CCSER1: variants seen among roughly 807,000 people sequenced by gnomAD.
CCSER1 encodes serine-rich coiled-coil domain-containing protein 1.
A neutral mutation model predicts 82.0 loss-of-function variants in CCSER1; 41 were observed. The ratio of observed to expected loss-of-function variants is 0.50; its 90% CI spans 0.39 to 0.65. The LOEUF (loss-of-function observed/expected upper bound fraction) is 0.65, where lower values mean the gene tolerates loss of function less well. Ranked by LOEUF, CCSER1 falls within the 30% of genes least tolerant of loss-of-function variation. The probability of loss-of-function intolerance (pLI) is 0.00; values close to 1 mark genes in which losing one functional copy is unlikely to be tolerated. For missense variants in CCSER1, 1,119 were observed against 1,064.2 expected (o/e 1.05, Z -0.72); for synonymous variants, 414 against 383.9 (o/e 1.08, Z -0.92).
At chr4:91,194,194 T>C (rs1034742998) in intron 10 of CCSER1, among the ~76,000 whole-genome samples, 1 of 152,144 alleles carries the variant, frequency 6.6e-6, no homozygotes, top group Non-Finnish European at 1.5e-5. Flanking sequence ...TGTCTCGAAC[T>C]CCCGACCTCA....
At chr4:90,369,785 C>T (rs749398120) in intron 3 of CCSER1, among the ~76,000 whole-genome samples, 1 of 151,950 alleles carries the variant, frequency 6.6e-6, no homozygotes, top group Non-Finnish European at 1.5e-5. Context: ...ATATTACACT[C>T]TAAGAAATAT....
chr4:90,411,677 C>CCCTTTG (rs1278197182), intron 4 of CCSER1, among the ~76,000 whole-genome samples: 9 of 152,156 alleles, frequency 5.9e-5, no homozygotes, highest in African/African-American at 2.2e-4. Context: ...ACTGAATGGA[C>CCCTTTG]AAAAACTGGA....
intron 10 of CCSER1, among the ~76,000 whole-genome samples, chr4:91,522,663 G>A (rs575396871): frequency 6.6e-6 from 1 of 152,188 alleles, no homozygotes; most frequent in African/African-American, 2.4e-5. Context: ...CTCATGATTT[G>A]GCTCTCTGTT....
chr4:90,511,355 T>C (rs551770718), intron 5 of CCSER1, among the ~76,000 whole-genome samples: 1 of 152,092 alleles, frequency 6.6e-6, no homozygotes, highest in African/African-American at 2.4e-5. Context: ...GAGGTGGAGG[T>C]TGCGGTGAGC....
intron 10 of CCSER1, among the ~76,000 whole-genome samples, chr4:91,468,745 C>G (rs1410941381): frequency 6.6e-6 from 1 of 151,790 alleles, no homozygotes; most frequent in Non-Finnish European, 1.5e-5. Context: ...GATCCTATAA[C>G]TGAAAAAGAA....
intron 10 of CCSER1, among the ~76,000 whole-genome samples, chr4:91,212,079 AC>A (rs1736862984): frequency 6.6e-6 from 1 of 152,056 alleles, no homozygotes; most frequent in Non-Finnish European, 1.5e-5. Flanking sequence ...TGGTCTGGGA[AC>A]ATTGCCTTAA....
At chr4:90,728,812 T>C (rs535334821) in intron 7 of CCSER1, among the ~76,000 whole-genome samples, 99 of 152,262 alleles carry the variant, frequency 6.5e-4, no homozygotes, top group African/African-American at 2.1e-3. Flanking sequence ...TTGTATAAAA[T>C]GAAGTGTGTA....
chr4:91,067,521 T>G (rs771706659), intron 9 of CCSER1, among the ~76,000 whole-genome samples: 1 of 151,958 alleles, frequency 6.6e-6, no homozygotes, highest in Non-Finnish European at 1.5e-5. Context: ...AATTTTTTAT[T>G]TTTTGCAGAG....
intron 5 of CCSER1, among the ~76,000 whole-genome samples, chr4:90,514,933 C>T (rs1183320923): frequency 6.6e-6 from 1 of 150,492 alleles, no homozygotes; most frequent in Non-Finnish European, 1.5e-5. Flanking sequence ...TCTTGGTTCA[C>T]TGCAACCTCT....
chr4:90,291,655 G>T (rs1011577900), intron 1 of CCSER1, among the ~76,000 whole-genome samples: 1 of 151,972 alleles, frequency 6.6e-6, no homozygotes. Flanking sequence ...AGAAAGGAAA[G>T]AAATGAGCTA....
At chr4:91,258,377 CAGAACACCCTCTTCCTGGGAA>C (rs1740854956) in intron 10 of CCSER1, among the ~76,000 whole-genome samples, 2 of 152,144 alleles carry the variant, frequency 1.3e-5, no homozygotes, top group South Asian at 4.1e-4. Flanking sequence ...TTCCTTGGTA[CAGAACACCCTCTTCCTGGGAA>C]GAGCTCATAT....
chr4:90,538,145 T>C (rs1444602123), intron 5 of CCSER1, among the ~76,000 whole-genome samples: 14 of 152,128 alleles, frequency 9.2e-5, no homozygotes. Context: ...TTTTTCTAGT[T>C]ATTGTTGTAA....
At chr4:90,168,585 C>A (rs1730978010) in intron 1 of CCSER1, among the ~76,000 whole-genome samples, 2 of 152,164 alleles carry the variant, frequency 1.3e-5, no homozygotes. Flanking sequence ...CCTAGGTTTT[C>A]TTCTAGGGTT....
chr4:91,111,425 G>A (rs984097879), intron 10 of CCSER1, among the ~76,000 whole-genome samples: 3 of 151,874 alleles, frequency 2.0e-5, no homozygotes, highest in African/African-American at 4.8e-5. Flanking sequence ...AATTAAGGAA[G>A]GACACTCTTT....
intron 10 of CCSER1, among the ~76,000 whole-genome samples, chr4:91,154,518 G>A (rs1329871004): frequency 6.6e-6 from 1 of 151,904 alleles, no homozygotes; most frequent in African/African-American, 2.4e-5. Flanking sequence ...TCCTTGGGTT[G>A]CACCCACTGT....
At chr4:90,541,615 C>T (rs1397834229) in intron 5 of CCSER1, among the ~76,000 whole-genome samples, 1 of 152,046 alleles carries the variant, frequency 6.6e-6, no homozygotes, top group Non-Finnish European at 1.5e-5. Flanking sequence ...TATATGTTAG[C>T]TGCTATGTAT....
chr4:90,902,931 A>G (rs1272600800), intron 8 of CCSER1, among the ~76,000 whole-genome samples: 1 of 152,150 alleles, frequency 6.6e-6, no homozygotes, highest in East Asian at 1.9e-4. Flanking sequence ...CTAAGCAGGC[A>G]GGGACATGAT....
At chr4:90,832,085 CT>C (rs143981503) in intron 8 of CCSER1, among the ~76,000 whole-genome samples, 8 of 151,164 alleles carry the variant, frequency 5.3e-5, no homozygotes, top group African/African-American at 9.7e-5. Context: ...CTATGTGACT[CT>C]TTTTTTTTCC....
intron 5 of CCSER1, among the ~76,000 whole-genome samples, chr4:90,502,902 A>T (rs1466577741): frequency 2.6e-5 from 4 of 152,098 alleles, no homozygotes; most frequent in Admixed American, 6.6e-5. Flanking sequence ...GTGTTTTCTC[A>T]AGTGAAACCA....
Sources: allele counts gnomAD v4.1 joint callset (sites outside exome capture counted in the v4.1 genomes callset), GRCh38; gene constraint gnomAD v4.1.1; transcripts MANE v1.5; gene names NCBI Gene and HGNC (gene_info 2026-07-23, HGNC 2026-07-21).